The following BCAS3 variants were observed in gnomAD, a reference collection of about 807,000 sequenced individuals.
BCAS3 encodes the protein BCAS3 microtubule associated cell migration factor.
BCAS3 carries 53 observed loss-of-function variants against 116.1 expected under a neutral mutation model. The observed-to-expected ratio is 0.46, with a 90% CI of 0.37 to 0.57. The LOEUF (loss-of-function observed/expected upper bound fraction) is 0.57. BCAS3 is among the 20% of genes least tolerant of loss of function. BCAS3 has a pLI of 0.00. For synonymous variants in BCAS3, 391 were observed against 408.2 expected, an observed-to-expected ratio of 0.96 and a Z score of 0.51; for missense variants, 917 against 1,165.4, an observed-to-expected ratio of 0.79 and a Z score of 3.10.
Position 60,956,316 on chromosome 17 carries a change from A to G in BCAS3, c.1221+8964A>G, listed in dbSNP as rs1265007171. Among the ~76,000 whole-genome samples the G allele has an allele frequency of 6.6e-6, 1 of 152,052 alleles. No individual in the cohort carries two copies. Among genetic ancestry groups the G allele is most frequent in the African/African-American group, 2.4e-5 (1 of 41,390 alleles). ...TTGCTTACCCTTAAGTTTAATTATT[A>G]TTTGTTTTTGTCTCTTTTGTATGGA... is the stretch of plus-strand genomic sequence containing the variant. On this transcript the variant is annotated intron_variant, in intron 14 of 23. Coordinates refer to ENST00000407086, the MANE Select transcript of BCAS3 (RefSeq NM_017679.5). The surrounding 1 kb of genome is among the most constrained non-coding windows in gnomAD (Gnocchi z 4.2).
intron 22 of BCAS3, among the ~76,000 whole-genome samples, chr17:61,093,560 C>G (rs1417248183): frequency 6.6e-6 from 1 of 152,084 alleles, no homozygotes; most frequent in Admixed American, 6.5e-5. Flanking sequence ...GCACTCTAGC[C>G]TAGGTGGCAG....
rs888138511 is a variant in BCAS3, at chr17:61,188,964, G to A, written c.2425+104400G>A. 6.6e-6 allele frequency among the ~76,000 whole-genome samples: 1 copy of A among 152,080 alleles called. No homozygotes were observed. The highest frequency in any genetic ancestry group is 1.5e-5 in the Non-Finnish European group (1 of 68,020). On this transcript the variant is annotated intron_variant, in intron 22 of 23. Transcript: ENST00000407086. The surrounding 1 kb of genome is among the most constrained non-coding windows in gnomAD (Gnocchi z 4.0). Reference sequence around the variant, plus strand: ...TAAAACATCAAAAAATCAGCCGGGCGTGATGGTGCATGCCTATAGTCCCAG... The same window carrying A: ...TAAAACATCAAAAAATCAGCCGGGCATGATGGTGCATGCCTATAGTCCCAG...
At chr17:61,291,457 C>T (rs1195745822) in intron 22 of BCAS3, among the ~76,000 whole-genome samples, 3 of 152,140 alleles carry the variant, frequency 2.0e-5, no homozygotes, top group African/African-American at 4.8e-5. Context: ...TGTTTTCAAG[C>T]CAACTGCTAG....
At chr17:60,998,772 T>G (rs1458379442) in intron 15 of BCAS3, among the ~76,000 whole-genome samples, 1 of 152,216 alleles carries the variant, frequency 6.6e-6, no homozygotes, top group Non-Finnish European at 1.5e-5. Flanking sequence ...TTTCCCATTC[T>G]GTAGATTGTC....
intron 11 of BCAS3, among the ~76,000 whole-genome samples, chr17:60,909,986 T>TG (rs2058402252): frequency 6.6e-6 from 1 of 152,184 alleles, no homozygotes; most frequent in Non-Finnish European, 1.5e-5. Context: ...AGAGATTGTG[T>TG]TTTCCATATG....
chr17:61,093,562 A>G (rs1316306198), intron 22 of BCAS3, among the ~76,000 whole-genome samples: 1 of 152,202 alleles, frequency 6.6e-6, no homozygotes, highest in South Asian at 2.1e-4. Flanking sequence ...ACTCTAGCCT[A>G]GGTGGCAGAG....
chr17:60,839,712 C>G (rs1157471116), intron 7 of BCAS3, among the ~76,000 whole-genome samples: 5 of 152,094 alleles, frequency 3.3e-5, no homozygotes, highest in African/African-American at 1.2e-4. Flanking sequence ...AAATTTTCCT[C>G]TTAAATTTAA....
At chr17:61,022,174 C>T (rs1015123757) in intron 16 of BCAS3, among the ~76,000 whole-genome samples, 7 of 152,164 alleles carry the variant, frequency 4.6e-5, no homozygotes, top group African/African-American at 1.7e-4. Flanking sequence ...ACTTAAACCA[C>T]ACCATACTGT....
chr17:60,679,432 G>C, intron 1 of BCAS3, 21 bp from the exon 2 acceptor site: 1 of 1,575,966 alleles, frequency 6.3e-7, no homozygotes, highest in Non-Finnish European at 8.7e-7. Flanking sequence ...TTTTTTGTTT[G>C]TTTGTTTGTT....
In BCAS3 at chr17:61,012,076, A is replaced by G. The variant is rs574858896; in HGVS notation, c.1487-3675A>G. Among the ~76,000 whole-genome samples, 40 of 152,218 alleles carry G rather than the reference A, an allele frequency of 2.6e-4. No homozygotes were observed. In the South Asian group the frequency reaches 7.9e-3, roughly 30 times the overall value. On this transcript the variant is annotated intron_variant, in intron 15 of 23. Coordinates refer to ENST00000407086, the MANE Select transcript of BCAS3 (RefSeq NM_017679.5). The surrounding 1 kb of genome is among the most constrained non-coding windows in gnomAD (Gnocchi z 4.5). ...CCTTTTTAAGTTGTCCTTTAAAACAATAATAAAAGTGACTCCTTACTTTTT... is the reference window on the plus strand; with the variant it reads ...CCTTTTTAAGTTGTCCTTTAAAACAGTAATAAAAGTGACTCCTTACTTTTT...
In BCAS3 at chr17:61,189,748, TTAAG is replaced by T. The variant is rs1018799340; in HGVS notation, c.2425+105186_2425+105189del. 1.3e-5 allele frequency among the ~76,000 whole-genome samples: 2 copies of T among 152,174 alleles called. No individual in the cohort carries two copies. Among genetic ancestry groups the T allele is most frequent in the African/African-American group, 4.8e-5 (2 of 41,440 alleles). ...AATCCCAGGTTTCTGTCTATGCTAA[TTAAG>T]TGGAAGAGAGAATGTAAGAGAAGCG... On this transcript the variant is annotated intron_variant, in intron 22 of 23. Coordinates refer to ENST00000407086, the MANE Select transcript of BCAS3 (RefSeq NM_017679.5). This position sits in a 1 kb window ranked among gnomAD's most constrained non-coding sequence, Gnocchi z 4.5.
chr17:60,990,424 A>G lies in BCAS3; in HGVS notation c.1486+189A>G, dbSNP rs2063450063. 6.6e-6 allele frequency among the ~76,000 whole-genome samples: 1 copy of G among 152,226 alleles called. No homozygotes were observed. ...CAGTATAGTAATGGTGATCTTTACC[A>G]TGCTATTTTAACTCCCTGTTTCAAT... On this transcript the variant is annotated intron_variant, in intron 15 of 23. Coordinates refer to ENST00000407086, the MANE Select transcript of BCAS3 (RefSeq NM_017679.5). The surrounding 1 kb of genome is among the most constrained non-coding windows in gnomAD (Gnocchi z 5.1).
intron 23 of BCAS3, among the ~76,000 whole-genome samples, chr17:61,382,043 T>C (rs1432251753): frequency 1.3e-5 from 2 of 152,094 alleles, no homozygotes; most frequent in East Asian, 3.9e-4. Flanking sequence ...TCATAAAGCC[T>C]GGGGCCGGGC....
chr17:60,695,373 A>G (rs1310124073), intron 4 of BCAS3, among the ~76,000 whole-genome samples: 3 of 152,096 alleles, frequency 2.0e-5, no homozygotes, highest in African/African-American at 4.8e-5. Flanking sequence ...CGGCCTCCCA[A>G]AGTGTTGGGA....
At chr17:61,010,024 T>C (rs2065000841) in intron 15 of BCAS3, among the ~76,000 whole-genome samples, 1 of 151,880 alleles carries the variant, frequency 6.6e-6, no homozygotes, top group Non-Finnish European at 1.5e-5. Flanking sequence ...TTGTTTTTAC[T>C]TTGTCTGCAG....
At chr17:61,197,387 G>T (rs1284902034) in intron 22 of BCAS3, among the ~76,000 whole-genome samples, 3 of 152,170 alleles carry the variant, frequency 2.0e-5, no homozygotes, top group Admixed American at 2.0e-4. Flanking sequence ...TATAGGTGTA[G>T]GATGAGCTCA....
chr17:60,810,155 A>T, intron 7 of BCAS3: 1 of 406,574 alleles, frequency 2.5e-6, no homozygotes, highest in Non-Finnish European at 4.9e-6. Flanking sequence ...CACTCTCCCC[A>T]CTGGACAGCA....
chr17:61,236,542 G>A (rs146788313), intron 22 of BCAS3, among the ~76,000 whole-genome samples: 1,861 of 152,098 alleles, frequency 0.012, 17 homozygotes, highest in Middle Eastern at 0.031. Flanking sequence ...GGGTGGTCTC[G>A]ATCTCCTGAC....
At chr17:60,851,769 T>TG in intron 7 of BCAS3, 2 of 1,050,758 alleles carry the variant, frequency 1.9e-6, no homozygotes, top group South Asian at 2.5e-5. Flanking sequence ...GTCTTATCAG[T>TG]GGTCCCTGTC....
Sources: allele counts gnomAD v4.1 joint callset (sites outside exome capture counted in the v4.1 genomes callset), GRCh38; gene constraint gnomAD v4.1.1; non-coding constraint Gnocchi (gnomAD v3.1); transcripts MANE v1.5; gene names NCBI Gene and HGNC (gene_info 2026-07-23, HGNC 2026-07-21).